PDE4D: variants seen among roughly 807,000 people sequenced by gnomAD.
PDE4D encodes phosphodiesterase 4D, also known as 3',5'-cyclic-AMP phosphodiesterase 4D.
A neutral mutation model predicts 87.4 loss-of-function variants in PDE4D; 24 were observed. The observed-to-expected ratio is 0.27, with a 90% CI of 0.20 to 0.39. PDE4D has a LOEUF of 0.39. Among genes scored for constraint, PDE4D ranks in the 10% least tolerant of loss-of-function variants. The pLI is 1.00. For synonymous variants in PDE4D, 384 were observed against 383.2 expected, an observed-to-expected ratio of 1.00 and a Z score of -0.02; for missense variants, 714 against 1,041.0, an observed-to-expected ratio of 0.69 and a Z score of 4.32.
rs1348338540 is a variant in PDE4D, at chr5:60,396,813, T to C, written c.-90+91129A>G. Among the ~76,000 whole-genome samples, 3 of 152,228 alleles carry C rather than the reference T, an allele frequency of 2.0e-5. No homozygotes were observed. The East Asian group carries it at 5.8e-4, about 29-fold the overall frequency. ...GTGTTTCCTTAGTCTTAGGCTTGCT[T>C]CTGCTGACTTGCTGGCCGACTTATC... On this transcript the variant is annotated intron_variant, in intron 1 of 16. Coordinates refer to the PDE4D transcript ENST00000502484.
intron 1 of PDE4D, among the ~76,000 whole-genome samples, chr5:59,441,278 G>A (rs143098413): frequency 6.6e-6 from 1 of 152,214 alleles, no homozygotes; most frequent in East Asian, 1.9e-4. Context: ...AAAATTTTTA[G>A]GAGAGACAGT....
intron 3 of PDE4D, among the ~76,000 whole-genome samples, chr5:59,946,993 C>T (rs1757789137): frequency 6.6e-6 from 1 of 152,116 alleles, no homozygotes; most frequent in Non-Finnish European, 1.5e-5. Context: ...TTTTATATAA[C>T]TGAGTTTGGC....
intron 1 of PDE4D, among the ~76,000 whole-genome samples, chr5:59,559,542 C>T (rs1385531482): frequency 1.3e-5 from 2 of 152,102 alleles, no homozygotes; most frequent in Non-Finnish European, 2.9e-5. Flanking sequence ...TGGATATAAG[C>T]CACAGATATG....
intron 1 of PDE4D, among the ~76,000 whole-genome samples, chr5:60,210,541 G>C (rs146202549): frequency 4.5e-4 from 69 of 152,036 alleles, no homozygotes; most frequent in Middle Eastern, 3.4e-3. Flanking sequence ...CCAACTCCTT[G>C]CTTATTTAGC....
At chr5:59,422,784 G>C (rs1423522634) in intron 1 of PDE4D, among the ~76,000 whole-genome samples, 1 of 152,100 alleles carries the variant, frequency 6.6e-6, no homozygotes, top group Non-Finnish European at 1.5e-5. Flanking sequence ...TGCATGGTTG[G>C]GTGATGGATA....
intron 3 of PDE4D, among the ~76,000 whole-genome samples, chr5:59,979,883 T>C (rs1761736446): frequency 6.6e-6 from 1 of 152,172 alleles, no homozygotes; most frequent in South Asian, 2.1e-4. Context: ...ATTTTTTCTA[T>C]AGTTTTTTTC....
intron 1 of PDE4D, among the ~76,000 whole-genome samples, chr5:59,573,997 C>CAAAAAAA (rs11437091): frequency 1.1e-5 from 1 of 87,020 alleles, no homozygotes; most frequent in African/African-American, 5.8e-5. Context: ...GACTCTGTCT[C>CAAAAAAA]AAAAAAAAAT....
intron 6 of PDE4D, among the ~76,000 whole-genome samples, chr5:59,027,431 G>A (rs746624932): frequency 1.3e-5 from 2 of 152,116 alleles, no homozygotes; most frequent in Non-Finnish European, 2.9e-5. Flanking sequence ...TACGGTGTAG[G>A]GGGTTATGTT....
At chr5:59,255,249 A>G (rs1561821145) in intron 1 of PDE4D, among the ~76,000 whole-genome samples, 1 of 152,174 alleles carries the variant, frequency 6.6e-6, no homozygotes, top group East Asian at 1.9e-4. Flanking sequence ...AATCTGATAT[A>G]TGCTACAACA....
In PDE4D at chr5:60,044,158, ACTGTTT is replaced by A. The variant is rs1243085751; in HGVS notation, c.43-55447_43-55442del. Among the ~76,000 whole-genome samples the A allele has an allele frequency of 2.6e-5, 4 of 152,012 alleles. No individual in the cohort carries two copies. The East Asian group carries it at 5.8e-4, about 22-fold the overall frequency. ...CAAATAGCTAAAAGAGGAGAATTGG[ACTGTTT>A]CTAATACAAGACATGATAAATGCCT... On this transcript the variant is annotated intron_variant, in intron 2 of 16. Transcript: ENST00000502484.
chr5:59,694,863 T>C (rs77847369), intron 1 of PDE4D, among the ~76,000 whole-genome samples: 2,086 of 152,302 alleles, frequency 0.014, 49 homozygotes, highest in African/African-American at 0.048. Flanking sequence ...ACAGTCTACT[T>C]CTAAAGGACT....
At chr5:60,218,180 G>T (rs1744085369) in intron 1 of PDE4D, among the ~76,000 whole-genome samples, 1 of 151,992 alleles carries the variant, frequency 6.6e-6, no homozygotes, top group African/African-American at 2.4e-5. Context: ...CAGTAAAAAT[G>T]AAGCTAATGA....
chr5:59,990,502 C>A (rs1762897138), intron 2 of PDE4D, among the ~76,000 whole-genome samples: 1 of 151,474 alleles, frequency 6.6e-6, no homozygotes, highest in East Asian at 2.0e-4. Flanking sequence ...GTTGTATAGA[C>A]AAGACGACAG....
At chr5:60,050,063 T>A (rs1341829220) in intron 2 of PDE4D, among the ~76,000 whole-genome samples, 12 of 152,266 alleles carry the variant, frequency 7.9e-5, no homozygotes, top group Non-Finnish European at 1.5e-4. Flanking sequence ...GGATATAATC[T>A]CCTGGTGCCG....
At chr5:60,181,452 C>T (rs1260362972) in intron 2 of PDE4D, among the ~76,000 whole-genome samples, 1 of 152,068 alleles carries the variant, frequency 6.6e-6, no homozygotes, top group African/African-American at 2.4e-5. Context: ...TGCCAGATAC[C>T]CTATGTCTTC....
intron 1 of PDE4D, among the ~76,000 whole-genome samples, chr5:59,889,277 C>T (rs537219593): frequency 1.4e-5 from 2 of 143,470 alleles, no homozygotes; most frequent in Non-Finnish European, 3.0e-5. Flanking sequence ...ATAATATGCG[C>T]AGAATTTATA....
At chr5:59,100,632 C>A (rs1770572245) in intron 5 of PDE4D, among the ~76,000 whole-genome samples, 1 of 152,124 alleles carries the variant, frequency 6.6e-6, no homozygotes, top group South Asian at 2.1e-4. Flanking sequence ...TGCACAGGAG[C>A]TACTCAATAG....
At chr5:60,355,639 A>C (rs1355706136) in intron 1 of PDE4D, among the ~76,000 whole-genome samples, 1 of 152,166 alleles carries the variant, frequency 6.6e-6, no homozygotes, top group Non-Finnish European at 1.5e-5. Context: ...AACTACTAAT[A>C]GGCTACTGTT....
At chr5:59,327,058 C>T (rs1307249436) in intron 1 of PDE4D, among the ~76,000 whole-genome samples, 3 of 151,666 alleles carry the variant, frequency 2.0e-5, no homozygotes, top group Admixed American at 6.6e-5. Flanking sequence ...CTTGGCAACT[C>T]TTTGAGAAAT....
Sources: allele counts gnomAD v4.1 joint callset (sites outside exome capture counted in the v4.1 genomes callset), GRCh38; gene constraint gnomAD v4.1.1; transcripts MANE v1.5; gene names NCBI Gene and HGNC (gene_info 2026-07-23, HGNC 2026-07-21).